The following ERICH6 variants were observed in gnomAD, a reference collection of about 807,000 sequenced individuals.
ERICH6 encodes glutamate-rich protein 6.
ERICH6 carries 71 observed loss-of-function variants against 71.0 expected under a neutral mutation model. That is an observed-to-expected ratio of 1.00 (90% CI 0.83 to 1.22). The LOEUF (loss-of-function observed/expected upper bound fraction) is 1.22. ERICH6 is among the 50% of genes most tolerant of loss of function. ERICH6 has a pLI of 0.00. For synonymous variants in ERICH6, 262 were observed against 278.4 expected, an observed-to-expected ratio of 0.94 and a Z score of 0.59; for missense variants, 808 against 797.2, an observed-to-expected ratio of 1.01 and a Z score of -0.16.
At position 150,659,995 on chromosome 3, in the gene ERICH6, T is replaced by C. The variant is rs778920165; in HGVS notation, c.1889A>G (p.Tyr630Cys). The change falls in exon 14 of 14, where the codon TAC (tyrosine) becomes TGC (cysteine). Residue 630 changes from tyrosine (Y) to cysteine (C), a missense_variant. Around this residue, in one of 3 missense-constraint regions of ERICH6, gnomAD observed 736 missense variants for 712.2 expected, o/e 1.03. Transcript: ENST00000295910. ...TAGTTTTAGAGAAAGTGAAGAAAGG[T>C]AGGAAGGTTGCTTTAATTTTTCCCA... ...QVWEKLKQPS[Y>C]LSSLSLKLIA... is the part of the protein sequence containing the mutation. The C allele has an allele frequency of 1.9e-6, 3 of 1,614,190 alleles. No individual in the cohort carries two copies. The highest frequency in any genetic ancestry group is 4.5e-5 in the East Asian group (2 of 44,882).
chr3:150,664,992 G>T (rs1026315149), intron 13 of ERICH6, among the ~76,000 whole-genome samples: 7 of 151,940 alleles, frequency 4.6e-5, no homozygotes, highest in Non-Finnish European at 8.8e-5. Flanking sequence ...AGGAAGGGAG[G>T]TGCAGGGGTG....
intron 7 of ERICH6, 25 bp downstream of exon 7, chr3:150,682,193 A>G (rs1428715180): frequency 2.6e-6 from 4 of 1,554,246 alleles, no homozygotes; most frequent in Non-Finnish European, 3.5e-6. Context: ...TACTATTTCC[A>G]CAGTAAACCT....
chr3:150,665,408 T>C (rs913165969), intron 13 of ERICH6, among the ~76,000 whole-genome samples: 1 of 149,876 alleles, frequency 6.7e-6, no homozygotes, highest in African/African-American at 2.5e-5. Context: ...TCCCAGCTAT[T>C]TGGGAGGCTG....
rs1711496918 is a variant in ERICH6, at chr3:150,669,365, T to C, written c.1430A>G (p.Asn477Ser). The change falls in exon 12 of 14, where the codon AAC becomes AGC. Residue 477 changes from asparagine to serine, a missense_variant. Asn to Ser is a conservative substitution (Grantham distance 46). This residue lies in a region of ERICH6 where 736 missense variants were observed against 712.2 expected (regional missense o/e 1.03). Transcript: ENST00000295910. ...ATCCAGCACTGCTAGGATAGCAGGG[T>C]TAGTGGGCATATCTTCTTGGACTAT... The part of the protein sequence containing the change: ...TCIVQEDMPT[N>S]PAILAVLDSS... 6.2e-7 allele frequency: 1 copy of C among 1,613,794 alleles called. No homozygotes were observed. Among genetic ancestry groups the C allele is most frequent in the East Asian group, 2.2e-5 (1 of 44,850 alleles).
rs1009723683 is a variant in ERICH6 at position 150,703,511 on chromosome 3, T to G, written c.388A>C (p.Thr130Pro). Residue 130 changes from threonine (T) to proline (P), a missense_variant, in exon 1 of 14, where the codon ACC becomes CCC. Physicochemically the swap from Thr to Pro is conservative, Grantham distance 38. Transcript: ENST00000295910. ...ETPSASPPSS[T>P]SSHKSFPKIF... ...GGGGCGGTACTTTTATGCGAGGAGG[T>G]GCTGGAGGGTGGGCTTGCGCTCGGC... is the stretch of plus-strand genomic sequence containing the variant. 34 of 1,602,530 alleles carry G rather than the reference T, an allele frequency of 2.1e-5. No homozygotes were observed. The highest frequency in any genetic ancestry group is 2.9e-5 in the Non-Finnish European group (34 of 1,175,134).
chr3:150,682,310 C>T lies in ERICH6; in HGVS notation c.790G>A (p.Glu264Lys), dbSNP rs1711998166. ...SNLGINFKDE[E>K]EETSPKCEFC... ...TCACATTTGGGTGATGTCTCCTCCT[C>T]TTCATCCTTCAGAGAGAGAGGAAAA... is the stretch of plus-strand genomic sequence containing the variant. The change falls in exon 7 of 14, where the codon GAG becomes AAG. Residue 264 changes from glutamate to lysine, a missense_variant. This residue lies in a region of ERICH6 where 736 missense variants were observed against 712.2 expected (regional missense o/e 1.03). Transcript: ENST00000295910. 1.9e-6 allele frequency: 3 copies of T among 1,612,266 alleles called. No homozygotes were observed. The highest frequency in any genetic ancestry group is 1.1e-5 in the South Asian group (1 of 91,076).
intron 6 of ERICH6, among the ~76,000 whole-genome samples, chr3:150,682,578 C>T (rs1391158347): frequency 6.6e-6 from 1 of 152,130 alleles, no homozygotes; most frequent in African/African-American, 2.4e-5. Flanking sequence ...AGAATGCCTT[C>T]CTGGTATAAG....
At chr3:150,665,698 G>C (rs1016392596) in intron 13 of ERICH6, among the ~76,000 whole-genome samples, 10 of 150,918 alleles carry the variant, frequency 6.6e-5, no homozygotes, top group African/African-American at 2.2e-4. Flanking sequence ...ATGGTGGTGG[G>C]CGCCTGTAGT....
At chr3:150,683,428 T>C (rs187825012) in intron 6 of ERICH6, among the ~76,000 whole-genome samples, 116 of 152,258 alleles carry the variant, frequency 7.6e-4, no homozygotes, top group African/African-American at 2.6e-3. Flanking sequence ...CGTTGTCCTT[T>C]CACCCTCAGC....
At chr3:150,685,108 T>C (rs1209840136) in intron 6 of ERICH6, among the ~76,000 whole-genome samples, 1 of 152,202 alleles carries the variant, frequency 6.6e-6, no homozygotes, top group East Asian at 1.9e-4. Context: ...GTGCTGGGAT[T>C]ACAGGTGTGA....
Position 150,672,264 on chromosome 3 carries a change from C to CATATATATATATATATAT in ERICH6, c.1343+1691_1343+1692insATATATATATATATATAT, listed in dbSNP as rs57492414. 1.0e-3 allele frequency among the ~76,000 whole-genome samples: 124 copies of CATATATATATATATATAT among 123,634 alleles called. 6 individuals carry two copies. The highest frequency in any genetic ancestry group is 3.3e-3 in the African/African-American group (102 of 31,046). 81.1% of individuals were successfully genotyped at this position (123,634 alleles called of 152,430 possible). On this transcript the variant is annotated intron_variant, in intron 11 of 13. Coordinates refer to ENST00000295910, the MANE Select transcript of ERICH6 (RefSeq NM_152394.5). ...TAAACAAAGAATCCATTTATATATACATATATATATATATGCTCATACACA... is the reference window on the plus strand; with the variant it reads ...TAAACAAAGAATCCATTTATATATACATATATATATATATATATATATATATATATATGCTCATACACA...
chr3:150,688,467 T>C (rs1023145367), intron 3 of ERICH6, among the ~76,000 whole-genome samples: 4 of 152,210 alleles, frequency 2.6e-5, no homozygotes, highest in African/African-American at 9.6e-5. Context: ...ATGTCCGTGA[T>C]ACATTGCTGT....
At chr3:150,681,041 T>C (rs1711907721) in intron 7 of ERICH6, 111 bp from the exon 8 acceptor site, 7 of 1,090,532 alleles carry the variant, frequency 6.4e-6, no homozygotes, top group Non-Finnish European at 8.9e-6. Flanking sequence ...GTTTTTATTC[T>C]GGTAATAGCT....
intron 12 of ERICH6, among the ~76,000 whole-genome samples, chr3:150,668,314 C>T (rs1474371862): frequency 6.6e-6 from 1 of 152,110 alleles, no homozygotes. Flanking sequence ...ACACAAGAGG[C>T]AGAGAGGGCT....
At chr3:150,673,558 G>A (rs145207480) in intron 11 of ERICH6, among the ~76,000 whole-genome samples, 74 of 151,890 alleles carry the variant, frequency 4.9e-4, no homozygotes, top group African/African-American at 1.8e-3. Flanking sequence ...CAATTACACT[G>A]GATCTTTATC....
chr3:150,680,391 A>G, intron 9 of ERICH6, 77 bp downstream of exon 9: 14 of 1,454,258 alleles, frequency 9.6e-6, no homozygotes, highest in Non-Finnish European at 1.3e-5. Flanking sequence ...AAATACACCC[A>G]TTTCATCTTT....
At position 150,703,502 on chromosome 3, in the gene ERICH6, G is replaced by A; in HGVS notation, c.397C>T (p.His133Tyr). 6.3e-7 allele frequency: 1 copy of A among 1,593,030 alleles called. No individual in the cohort carries two copies. The highest frequency in any genetic ancestry group is 8.6e-7 in the Non-Finnish European group (1 of 1,169,274). The change falls in exon 1 of 14, where the codon CAT becomes TAT. Residue 133 changes from histidine (H) to tyrosine (Y), a missense_variant. Coordinates refer to ENST00000295910, the MANE Select transcript of ERICH6 (RefSeq NM_152394.5). ...GGTGGGTCGGGGGCGGTACTTTTAT[G>A]CGAGGAGGTGCTGGAGGGTGGGCTT... ...SASPPSSTSSHKSFPKIFQTF... is the reference protein window; with the variant it reads ...SASPPSSTSSYKSFPKIFQTF...
At chr3:150,663,208 A>C (rs1397480412) in intron 13 of ERICH6, among the ~76,000 whole-genome samples, 1 of 152,164 alleles carries the variant, frequency 6.6e-6, no homozygotes, top group Non-Finnish European at 1.5e-5. Flanking sequence ...TAATCAAGCA[A>C]GAGATGGATC....
Position 150,703,476 on chromosome 3 carries a change from G to A in ERICH6, c.403+20C>T, listed in dbSNP as rs759647232. 1 of 1,554,202 alleles carries A rather than the reference G, an allele frequency of 6.4e-7. No individual in the cohort carries two copies. Reference sequence around the variant, plus strand: ...TGGAGACGAGAAACCCTCGAGGAAGGGGTGGGTCGGGGGCGGTACTTTTAT... The same window carrying A: ...TGGAGACGAGAAACCCTCGAGGAAGAGGTGGGTCGGGGGCGGTACTTTTAT... On this transcript the variant is annotated intron_variant, in intron 1 of 13. Transcript: ENST00000295910.
Sources: gnomAD v4.1 joint callset for allele counts (sites outside exome capture counted in the v4.1 genomes callset) on GRCh38, gnomAD v4.1.1 for gene constraint, gnomAD v4.1.1 regional missense constraint, MANE v1.5 for transcripts, NCBI Gene and HGNC (gene_info 2026-07-23, HGNC 2026-07-21) for gene names.